MX2: variants seen among roughly 807,000 people sequenced by gnomAD.
MX2 encodes the protein interferon-induced GTP-binding protein Mx2.
In MX2, 51 loss-of-function variants were observed where a neutral mutation model predicts 74.0. The observed-to-expected ratio is 0.69, with a 90% CI of 0.55 to 0.87. The LOEUF (loss-of-function observed/expected upper bound fraction) is 0.87, where lower values mean the gene tolerates loss of function less well. MX2 is among the 40% of genes least tolerant of loss of function. The probability of loss-of-function intolerance (pLI) is 0.00; values close to 1 mark genes in which losing one functional copy is unlikely to be tolerated. For synonymous variants in MX2, 369 were observed against 339.3 expected, an observed-to-expected ratio of 1.09 and a Z score of -0.96; for missense variants, 832 against 908.7, an observed-to-expected ratio of 0.92 and a Z score of 1.09.
chr21:41,390,849 CAAA>C, intron 6 of MX2, 146 bp downstream of exon 6: 1 of 891,454 alleles, frequency 1.1e-6, no homozygotes, highest in East Asian at 2.9e-5. Context: ...ACTAAAAATA[CAAA>C]AAAATTAGTC....
intron 2 of MX2, 71 bp downstream of exon 2, chr21:41,377,226 C>T (rs2089418163): frequency 2.5e-6 from 4 of 1,580,070 alleles, no homozygotes; most frequent in Admixed American, 1.7e-5. Flanking sequence ...TCATGTAAGC[C>T]CACCACAATA....
chr21:41,382,381 C>T, intron 4 of MX2, 29 bp from the exon 5 acceptor site: 1 of 1,607,866 alleles, frequency 6.2e-7, no homozygotes, highest in East Asian at 2.2e-5. Flanking sequence ...AATGAGGGCT[C>T]TGGGTTTCTC....
chr21:41,362,717 G>T (rs2089223973), intron 1 of MX2, among the ~76,000 whole-genome samples: 1 of 147,476 alleles, frequency 6.8e-6, no homozygotes, highest in Non-Finnish European at 1.5e-5. Context: ...GCGGAAAGGA[G>T]ACATGGTGGT....
chr21:41,403,703 G>A (rs1267050117), intron 12 of MX2: 2 of 494,720 alleles, frequency 4.0e-6, no homozygotes, highest in Non-Finnish European at 8.3e-6. Flanking sequence ...AAATTTGTAT[G>A]TTTGACTCAA....
chr21:41,375,262 G>A (rs1254608624), intron 1 of MX2, among the ~76,000 whole-genome samples: 1 of 152,234 alleles, frequency 6.6e-6, no homozygotes, highest in Non-Finnish European at 1.5e-5. Flanking sequence ...CTAGGATGGT[G>A]TGCCAGGAGT....
Position 41,402,001 on chromosome 21 carries a change from A to G in MX2, c.1446A>G (p.Lys482=). The change falls in exon 11 of 14, where the codon AAA becomes AAG. Residue 482 remains lysine (K), a synonymous_variant. Transcript: ENST00000330714. This position sits in a 1 kb window ranked among gnomAD's most constrained non-coding sequence, Gnocchi z 4.5. The part of the protein sequence containing the change: ...VKNIIHEEVE[K]YEKQYRGKEL... ...ATATTATCCACGAAGAAGTTGAAAA[A>G]TATGAAAAGCAGTATCGAGGCAAGG... 1 of 1,613,766 alleles carries G rather than the reference A, an allele frequency of 6.2e-7. No individual in the cohort carries two copies. Among genetic ancestry groups the G allele is most frequent in the Non-Finnish European group, 8.5e-7 (1 of 1,179,952 alleles).
At chr21:41,384,524 A>G (rs1046813482) in intron 5 of MX2, among the ~76,000 whole-genome samples, 11 of 152,178 alleles carry the variant, frequency 7.2e-5, no homozygotes, top group Non-Finnish European at 1.0e-4. Context: ...GTTTCTCTAC[A>G]TTCTTTTACT....
chr21:41,390,831 T>C (rs2089649299), intron 6 of MX2, 128 bp downstream of exon 6: 3 of 1,026,064 alleles, frequency 2.9e-6, no homozygotes, highest in African/African-American at 1.6e-5. Context: ...CGGTGAAACC[T>C]CGTCTCCACT....
chr21:41,384,438 G>C (rs1245755596), intron 5 of MX2, among the ~76,000 whole-genome samples: 1 of 152,170 alleles, frequency 6.6e-6, no homozygotes, highest in Non-Finnish European at 1.5e-5. Context: ...TTTTTCCGTT[G>C]TTGTAAATAT....
At chr21:41,369,772 G>A (rs2089299058) in intron 1 of MX2, among the ~76,000 whole-genome samples, 2 of 152,170 alleles carry the variant, frequency 1.3e-5, no homozygotes, top group East Asian at 1.9e-4. Flanking sequence ...AGAGCCTTGC[G>A]ATCAGTCACT....
At chr21:41,389,707 GAC>G (rs2089630596) in intron 5 of MX2, 2 of 152,160 alleles carry the variant, frequency 1.3e-5, no homozygotes, top group Admixed American at 1.3e-4. Flanking sequence ...GGGCTAATGG[GAC>G]ACAGAATGGC....
In MX2 at chr21:41,399,097, C is replaced by T. The variant is rs960254618; in HGVS notation, c.1272+78C>T. ...TGCAGCTGCCCTTCCCCTTCTTCAC[C>T]CATGAGATGAGGTGGGCGGGTGGAC... On this transcript the variant is annotated intron_variant, in intron 9 of 13. Coordinates refer to ENST00000330714, the MANE Select transcript of MX2 (RefSeq NM_002463.2). 2.5e-6 allele frequency: 4 copies of T among 1,595,732 alleles called. No homozygotes were observed. In the African/African-American group the frequency reaches 5.4e-5, roughly 21 times the overall value.
At position 41,407,959 on chromosome 21, in the gene MX2, C is replaced by T. The variant is rs939870243; in HGVS notation, c.1906-32C>T. On this transcript the variant is annotated intron_variant, in intron 13 of 13. Coordinates refer to ENST00000330714, the MANE Select transcript of MX2 (RefSeq NM_002463.2). ...AACCACAGGCCTTGGGCTGAGACCACTCCAGCAAACCCTTCTTTCTCCCTC... is the reference window on the plus strand; with the variant it reads ...AACCACAGGCCTTGGGCTGAGACCATTCCAGCAAACCCTTCTTTCTCCCTC... The T allele has an allele frequency of 4.3e-6, 7 of 1,612,686 alleles. No homozygotes were observed. The African/African-American group carries it at 9.4e-5, about 22-fold the overall frequency.
Position 41,380,299 on chromosome 21 carries a change from A to G in MX2, c.577+148A>G. Reference sequence around the variant, plus strand: ...ACATGGGGCTGAACCCATTGCTGTCACCTCCACCATCCCTCCAGGTCCTTG... The same window carrying G: ...ACATGGGGCTGAACCCATTGCTGTCGCCTCCACCATCCCTCCAGGTCCTTG... On this transcript the variant is annotated intron_variant, in intron 4 of 13. Transcript: ENST00000330714. The surrounding 1 kb of genome is among the most constrained non-coding windows in gnomAD (Gnocchi z 4.3). 1 of 1,081,422 alleles carries G rather than the reference A, an allele frequency of 9.2e-7. No individual in the cohort carries two copies. The highest frequency in any genetic ancestry group is 1.3e-6 in the Non-Finnish European group (1 of 759,940). The allele number at this position is 1,081,422 out of a possible 1,614,324, so 67.0% of individuals were successfully genotyped here.
At chr21:41,384,110 T>A (rs1395988390) in intron 5 of MX2, among the ~76,000 whole-genome samples, 2 of 152,120 alleles carry the variant, frequency 1.3e-5, no homozygotes, top group Non-Finnish European at 2.9e-5. Flanking sequence ...ACACATTCCC[T>A]CCTGCCGCCT....
At position 41,408,281 on chromosome 21, in the gene MX2, T is replaced by C; in HGVS notation, c.*48T>C. 1 of 1,600,180 alleles carries C rather than the reference T, an allele frequency of 6.2e-7. No homozygotes were observed. Among genetic ancestry groups the C allele is most frequent in the Non-Finnish European group, 8.5e-7 (1 of 1,172,500 alleles). ...TTTTCTTGTGCGTACTCATTCATTC[T>C]AAGGGGAGTCGGTGCAGGATGCCGC... On this transcript the variant is annotated 3_prime_UTR_variant, in exon 14 of 14. Transcript: ENST00000330714.
chr21:41,377,698 A>T, intron 2 of MX2, 91 bp from the exon 3 acceptor site: 1 of 1,397,562 alleles, frequency 7.2e-7, no homozygotes, highest in South Asian at 1.3e-5. Context: ...CCAACCTAAC[A>T]TCATAGCCGC....
At chr21:41,374,897 C>T (rs2089379218) in intron 1 of MX2, among the ~76,000 whole-genome samples, 1 of 152,222 alleles carries the variant, frequency 6.6e-6, no homozygotes, top group Non-Finnish European at 1.5e-5. Context: ...CATCACACCA[C>T]TCTCCAGCTC....
In MX2 at chr21:41,376,945, A is replaced by C. The variant is rs953032880; in HGVS notation, c.39A>C (p.Arg13Ser). ...ACAAGCCTTGGCCCTACCGGAGGAG[A>C]AGTCAATTTTCTTCTCGAAAATACC... The part of the protein sequence containing the change: ...KAHKPWPYRR[R>S]SQFSSRKYLK... The change falls in exon 2 of 14, where the codon AGA (arginine) becomes AGC (serine). Residue 13 changes from arginine to serine, a missense_variant. By Grantham distance (110) the Arg-to-Ser change is moderately radical (BLOSUM62 -1). Transcript: ENST00000330714. 2.5e-6 allele frequency: 4 copies of C among 1,613,976 alleles called. No individual in the cohort carries two copies. Among genetic ancestry groups the C allele is most frequent in the Admixed American group, 1.7e-5 (1 of 60,022 alleles).
Sources: gnomAD v4.1 joint callset for allele counts (sites outside exome capture counted in the v4.1 genomes callset) on GRCh38, gnomAD v4.1.1 for gene constraint, Gnocchi (gnomAD v3.1) non-coding constraint, MANE v1.5 for transcripts, NCBI Gene and HGNC (gene_info 2026-07-23, HGNC 2026-07-21) for gene names.